Variants in AKR7A3 observed in about 807,000 individuals in gnomAD.
The protein encoded by AKR7A3 is AFB1 aldehyde reductase 2.
AKR7A3 carries 37 observed loss-of-function variants against 32.5 expected under a neutral mutation model. The observed-to-expected ratio is 1.14, with a 90% confidence interval of 0.88 to 1.50. The LOEUF (loss-of-function observed/expected upper bound fraction) is 1.50, where lower values mean the gene tolerates loss of function less well. Ranked by LOEUF, AKR7A3 falls within the 40% of genes most tolerant of loss-of-function variation. The probability of loss-of-function intolerance (pLI) is 0.00; values close to 1 mark genes in which losing one functional copy is unlikely to be tolerated. For synonymous variants in AKR7A3, 177 were observed against 188.4 expected (o/e 0.94, Z 0.50); for missense variants, 412 against 453.2 (o/e 0.91, Z 0.83).
downstream of AKR7A3, among the ~76,000 whole-genome samples, chr1:19,281,470 C>T (rs1035893605): frequency 2.0e-5 from 3 of 151,492 alleles, no homozygotes; most frequent in African/African-American, 7.3e-5. Context: ...AACCCAGTCT[C>T]TACAAAAATA....
At chr1:19,279,270 A>G (rs114994076), downstream of AKR7A3, among the ~76,000 whole-genome samples, 4,275 of 151,954 alleles carry the variant, frequency 0.028, 78 homozygotes, top group South Asian at 0.053. Context: ...ATTTTTTTTA[A>G]CAGCCGAATA....
chr1:19,287,511 G>A (rs2093732885), intron 1 of AKR7A3, among the ~76,000 whole-genome samples: 1 of 151,806 alleles, frequency 6.6e-6, no homozygotes, highest in Non-Finnish European at 1.5e-5. Flanking sequence ...CAAACAAACA[G>A]CTAACATTTC....
chr1:19,277,305 T>C, the AKR7A3 span, among the ~76,000 whole-genome samples: 2 of 150,934 alleles, frequency 1.3e-5, no homozygotes, highest in African/African-American at 4.9e-5. Context: ...AATAACGGAG[T>C]GATGTCTGGA....
downstream of AKR7A3, among the ~76,000 whole-genome samples, chr1:19,279,938 T>A (rs116093219): frequency 0.028 from 4,276 of 150,774 alleles, 80 homozygotes; most frequent in South Asian, 0.052. Context: ...TTTTTTTTTT[T>A]AAGTTCATCA....
At chr1:19,286,050 C>G in intron 2 of AKR7A3, 58 bp from the exon 3 acceptor site, 1 of 1,605,796 alleles carries the variant, frequency 6.2e-7, no homozygotes, top group Non-Finnish European at 8.5e-7. Context: ...AAAGGGAGGC[C>G]AGGGTGGGGC....
the AKR7A3 span, among the ~76,000 whole-genome samples, chr1:19,274,894 A>G: frequency 2.9e-5 from 4 of 139,750 alleles, no homozygotes; most frequent in African/African-American, 1.1e-4. Context: ...ATCTGTCTCT[A>G]AATACAAAAA....
chr1:19,285,133 C>CG lies in AKR7A3; in HGVS notation c.508-20dup, dbSNP rs768463921. 3.7e-6 allele frequency: 6 copies of CG among 1,612,464 alleles called. No homozygotes were observed. The Admixed American group carries it at 6.7e-5, about 18-fold the overall frequency. On this transcript the variant is annotated intron_variant, in intron 3 of 6. Coordinates refer to ENST00000361640, the MANE Select transcript of AKR7A3 (RefSeq NM_012067.3). ...ACATGCCCTGTAAGGAGAGGGGCCC[C>CG]GGGGGAGAGGGTGGATGTGTCAAAA... is the stretch of plus-strand genomic sequence containing the variant.
intron 1 of AKR7A3, among the ~76,000 whole-genome samples, chr1:19,287,214 G>A (rs2093732140): frequency 6.6e-6 from 1 of 151,456 alleles, no homozygotes; most frequent in Non-Finnish European, 1.5e-5. Context: ...GACTGAGGTG[G>A]GAGGATGGCT....
chr1:19,286,639 C>T (rs1400166344), intron 1 of AKR7A3, among the ~76,000 whole-genome samples: 1 of 151,774 alleles, frequency 6.6e-6, no homozygotes, highest in Non-Finnish European at 1.5e-5. Flanking sequence ...CGAGATTGTG[C>T]CACAGCACAA....
At position 19,282,613 on chromosome 1, in the gene AKR7A3, G is replaced by C. The variant is rs549198189; in HGVS notation, c.*118C>G. 4.7e-4 allele frequency: 716 copies of C among 1,521,006 alleles called. 12 individuals carry two copies. In the South Asian group the frequency reaches 8.1e-3, roughly 17 times the overall value. 94.2% of individuals were successfully genotyped at this position (1,521,006 alleles called of 1,614,324 possible). ...TCATTTGGTGGTGACTCTTCTATTA[G>C]GTTTTTGTCCAAATACTTCCATCCC... On this transcript the variant is annotated 3_prime_UTR_variant, in exon 7 of 7. Transcript: ENST00000361640.
intron 1 of AKR7A3, among the ~76,000 whole-genome samples, chr1:19,287,879 G>A (rs1413974977): frequency 6.6e-6 from 1 of 152,152 alleles, no homozygotes; most frequent in East Asian, 1.9e-4. Flanking sequence ...AGAGAGGGCA[G>A]TGAGACTCTG....
chr1:19,288,489 C>T lies in AKR7A3; in HGVS notation c.214+7G>A, dbSNP rs773361501. On this transcript the variant is annotated splice_region_variant and intron_variant, in intron 1 of 6. Coordinates refer to ENST00000361640, the MANE Select transcript of AKR7A3 (RefSeq NM_012067.3). Reference sequence around the variant, plus strand: ...CGTGCAGGGGGAGGATCAGGGGCCACTGTTACCTCTGCAGTCGCTGCCGCC... The same window carrying T: ...CGTGCAGGGGGAGGATCAGGGGCCATTGTTACCTCTGCAGTCGCTGCCGCC... The T allele has an allele frequency of 1.2e-6, 2 of 1,610,160 alleles. No homozygotes were observed. The highest frequency in any genetic ancestry group is 1.7e-5 in the Admixed American group (1 of 59,886).
the AKR7A3 span, among the ~76,000 whole-genome samples, chr1:19,275,442 C>G: frequency 0.028 from 4,240 of 151,364 alleles, 77 homozygotes; most frequent in South Asian, 0.053. Context: ...TGGGAAAAGA[C>G]ATACCTTGAC....
At position 19,284,725 on chromosome 1, in the gene AKR7A3, C is replaced by G. The variant is rs368463814; in HGVS notation, c.665G>C (p.Arg222Pro). The G allele has an allele frequency of 1.4e-5, 22 of 1,613,692 alleles. No individual in the cohort carries two copies. Among genetic ancestry groups the G allele is most frequent in the Non-Finnish European group, 1.8e-5 (21 of 1,179,994 alleles). Residue 222 changes from arginine to proline, a missense_variant, in exon 5 of 7, where the codon CGC becomes CCC. Coordinates refer to ENST00000361640, the MANE Select transcript of AKR7A3 (RefSeq NM_012067.3). Reference protein sequence around the residue: ...EDKNGKQPVGRFFGNTWAEMY... With the variant: ...EDKNGKQPVGPFFGNTWAEMY... ...CTCTGCCCAGGTATTCCCAAAGAAG[C>G]GGCCCACGGGCTGTTTCCCATTCTT... is the stretch of plus-strand genomic sequence containing the variant.
In AKR7A3 at chr1:19,284,141, G is replaced by T. The variant is rs757287437; in HGVS notation, c.705-16C>A. 1 of 1,601,150 alleles carries T rather than the reference G, an allele frequency of 6.2e-7. No individual in the cohort carries two copies. Among genetic ancestry groups the T allele is most frequent in the African/African-American group, 1.3e-5 (1 of 74,260 alleles). On this transcript the variant is annotated splice_polypyrimidine_tract_variant and intron_variant, in intron 5 of 6. Coordinates refer to ENST00000361640, the MANE Select transcript of AKR7A3 (RefSeq NM_012067.3). The stretch of plus-strand genomic sequence containing the variant: ...CTTCCAGTAGCTGGGAAGGGGGGAC[G>T]GTGGCACAGGTGTCAGGGCCACATT...
intron 3 of AKR7A3, among the ~76,000 whole-genome samples, 168 bp downstream of exon 3, chr1:19,285,720 G>C (rs1436895281): frequency 6.6e-6 from 1 of 151,610 alleles, no homozygotes; most frequent in African/African-American, 2.4e-5. Context: ...CCAGTGGCCA[G>C]CCTGAGGAGC....
the AKR7A3 span, among the ~76,000 whole-genome samples, chr1:19,276,953 A>G: frequency 6.6e-6 from 1 of 151,606 alleles, no homozygotes; most frequent in Non-Finnish European, 1.5e-5. Context: ...ATCTCTACTA[A>G]AAGTACAAAA....
chr1:19,277,882 C>A (rs1340488371), downstream of AKR7A3, among the ~76,000 whole-genome samples: 1 of 151,924 alleles, frequency 6.6e-6, no homozygotes. Flanking sequence ...AGTTTCTTTA[C>A]AGATATGTGA....
intron 5 of AKR7A3, 68 bp downstream of exon 5, chr1:19,284,618 G>A: frequency 6.6e-7 from 1 of 1,523,848 alleles, no homozygotes. Flanking sequence ...CCCAGGAGCA[G>A]CCCAGGACTT....
Sources: gnomAD v4.1 joint callset for allele counts (sites outside exome capture counted in the v4.1 genomes callset) on GRCh38, gnomAD v4.1.1 for gene constraint, MANE v1.5 for transcripts, NCBI Gene and HGNC (gene_info 2026-07-23, HGNC 2026-07-21) for gene names.